SEPTIN9: variants seen among roughly 807,000 people sequenced by gnomAD.
SEPTIN9 encodes septin 9.
A neutral mutation model predicts 56.6 loss-of-function variants in SEPTIN9; 13 were observed. The ratio of observed to expected loss-of-function variants is 0.23; its 90% CI spans 0.15 to 0.37. The LOEUF (loss-of-function observed/expected upper bound fraction) is 0.37, where lower values mean the gene tolerates loss of function less well. SEPTIN9 is among the 10% of genes least tolerant of loss of function. The probability of loss-of-function intolerance (pLI) is 1.00; values close to 1 mark genes in which losing one functional copy is unlikely to be tolerated. For synonymous variants in SEPTIN9, 332 were observed against 334.1 expected, an observed-to-expected ratio of 0.99 and a Z score of 0.07; for missense variants, 650 against 823.1, an observed-to-expected ratio of 0.79 and a Z score of 2.57.
At chr17:77,431,542 T>C (rs1348491954) in intron 3 of SEPTIN9, among the ~76,000 whole-genome samples, 1 of 152,166 alleles carries the variant, frequency 6.6e-6, no homozygotes, top group Admixed American at 6.5e-5. Context: ...CTGCTTTGTA[T>C]GAGAACCACC....
intron 2 of SEPTIN9, among the ~76,000 whole-genome samples, chr17:77,341,943 C>T (rs1262840947): frequency 2.0e-5 from 3 of 150,868 alleles, no homozygotes; most frequent in Non-Finnish European, 3.0e-5. Flanking sequence ...AATAGCCGGG[C>T]GTGGTGGTGG....
In SEPTIN9 at chr17:77,367,138, G is replaced by T. The variant is rs1298329759; in HGVS notation, c.77-34921G>T. On this transcript the variant is annotated intron_variant, in intron 2 of 11. Transcript: ENST00000427177. This position sits in a 1 kb window ranked among gnomAD's most constrained non-coding sequence, Gnocchi z 4.5. ...CACCGGCTCAGTCAGGCTGAATGGG[G>T]AAATGCAAACTCAGGTGGCCTGAAA... Among the ~76,000 whole-genome samples, 1 of 152,212 alleles carries T rather than the reference G, an allele frequency of 6.6e-6. No homozygotes were observed. The highest frequency in any genetic ancestry group is 1.5e-5 in the Non-Finnish European group (1 of 68,032).
At chr17:77,477,193 C>T (rs535128742) in intron 3 of SEPTIN9, among the ~76,000 whole-genome samples, 19 of 152,026 alleles carry the variant, frequency 1.2e-4, no homozygotes, top group African/African-American at 3.9e-4. Context: ...CACCATCCGC[C>T]GATTCAGAAA....
chr17:77,462,231 G>A (rs1294214618), intron 3 of SEPTIN9, among the ~76,000 whole-genome samples: 3 of 152,196 alleles, frequency 2.0e-5, no homozygotes, highest in African/African-American at 7.2e-5. Flanking sequence ...GAAACCGTTA[G>A]CCTGAGCGGT....
intron 3 of SEPTIN9, among the ~76,000 whole-genome samples, chr17:77,403,619 G>T (rs2035974605): frequency 1.3e-5 from 2 of 152,192 alleles, no homozygotes; most frequent in African/African-American, 2.4e-5. Flanking sequence ...CTATAGTAAG[G>T]TGCCAGCTGG....
chr17:77,284,767 T>C (rs1361784542), intron 1 of SEPTIN9, among the ~76,000 whole-genome samples: 1 of 152,142 alleles, frequency 6.6e-6, no homozygotes, highest in Non-Finnish European at 1.5e-5. Context: ...GTGGCTGGGA[T>C]TGTAGGAACG....
chr17:77,283,920 C>T (rs997906007), intron 1 of SEPTIN9, among the ~76,000 whole-genome samples: 2 of 152,120 alleles, frequency 1.3e-5, no homozygotes, highest in Admixed American at 1.3e-4. Context: ...AGGATGAGGG[C>T]GAGACACCAG....
At chr17:77,382,822 G>A (rs2035192115) in intron 2 of SEPTIN9, among the ~76,000 whole-genome samples, 1 of 152,136 alleles carries the variant, frequency 6.6e-6, no homozygotes, top group Non-Finnish European at 1.5e-5. Flanking sequence ...GAGGAGGGTG[G>A]AGGCAAAGGC....
At chr17:77,325,882 T>G (rs1561103) in intron 2 of SEPTIN9, among the ~76,000 whole-genome samples, 121,790 of 152,070 alleles carry the variant, frequency 0.8, 48,946 homozygotes, top group East Asian at 0.99. Context: ...ACCACATGGG[T>G]TTCCACTGTG....
chr17:77,342,181 C>T (rs767087699), intron 2 of SEPTIN9, among the ~76,000 whole-genome samples: 21 of 152,080 alleles, frequency 1.4e-4, no homozygotes, highest in Admixed American at 2.6e-4. Flanking sequence ...TCATCAAACT[C>T]CTACACAGAG....
At chr17:77,316,243 G>A (rs566266282) in intron 2 of SEPTIN9, among the ~76,000 whole-genome samples, 2 of 152,294 alleles carry the variant, frequency 1.3e-5, no homozygotes, top group East Asian at 1.9e-4. Context: ...CGCGGTGAGA[G>A]GTTGGCCCTC....
chr17:77,399,428 G>A (rs1160792864), intron 2 of SEPTIN9, among the ~76,000 whole-genome samples: 2 of 152,166 alleles, frequency 1.3e-5, no homozygotes, highest in Non-Finnish European at 2.9e-5. Flanking sequence ...TAGGACAGAG[G>A]CACACCATGT....
chr17:77,373,607 G>C, intron 2 of SEPTIN9: 2 of 1,530,960 alleles, frequency 1.3e-6, no homozygotes, highest in Admixed American at 2.0e-5. Context: ...GACCCTGCGG[G>C]TGGGCCTGGC....
intron 2 of SEPTIN9, among the ~76,000 whole-genome samples, chr17:77,340,665 T>G (rs1036092660): frequency 2.6e-5 from 4 of 152,350 alleles, no homozygotes; most frequent in Admixed American, 6.5e-5. Context: ...AAGACAGGCA[T>G]TGACTTCTCC....
At position 77,488,328 on chromosome 17, in the gene SEPTIN9, C is replaced by A; in HGVS notation, c.1124+7C>A. 6.2e-7 allele frequency: 1 copy of A among 1,611,442 alleles called. No homozygotes were observed. The highest frequency in any genetic ancestry group is 1.1e-5 in the South Asian group (1 of 91,046). ...ACATCAACAACGAGAACTGGTGAGG[C>A]CCCTCCAGGGGGAGGAGCACTAGCG... On this transcript the variant is annotated splice_region_variant and intron_variant, in intron 6 of 11. Transcript: ENST00000427177.
At chr17:77,328,049 G>C (rs1389651915) in intron 2 of SEPTIN9, among the ~76,000 whole-genome samples, 1 of 150,192 alleles carries the variant, frequency 6.7e-6, no homozygotes, top group East Asian at 2.0e-4. Flanking sequence ...CCATGCCCAG[G>C]GTTTCCCCGT....
intron 3 of SEPTIN9, among the ~76,000 whole-genome samples, chr17:77,478,969 G>A (rs1056690828): frequency 5.9e-5 from 9 of 152,174 alleles, no homozygotes; most frequent in African/African-American, 1.9e-4. Context: ...TACCAGGTCC[G>A]TAGAGTAGTC....
At chr17:77,424,592 C>G (rs981698266) in intron 3 of SEPTIN9, among the ~76,000 whole-genome samples, 1 of 152,212 alleles carries the variant, frequency 6.6e-6, no homozygotes, top group African/African-American at 2.4e-5. Flanking sequence ...GGACTCTGTT[C>G]CTGTGAGGGC....
chr17:77,376,447 G>A, intron 2 of SEPTIN9: 1 of 969,186 alleles, frequency 1.0e-6, no homozygotes, highest in African/African-American at 1.8e-5. Flanking sequence ...ACAGCGCTGG[G>A]ATGGTGGCCC....
Sources: allele counts gnomAD v4.1 joint callset (sites outside exome capture counted in the v4.1 genomes callset), GRCh38; gene constraint gnomAD v4.1.1; non-coding constraint Gnocchi (gnomAD v3.1); transcripts MANE v1.5; gene names NCBI Gene and HGNC (gene_info 2026-07-23, HGNC 2026-07-21).